The following RXRA variants were observed in gnomAD, a reference collection of about 807,000 sequenced individuals.
RXRA encodes the protein retinoid X receptor alpha, also known as retinoic acid receptor RXR-alpha.
In RXRA, 5 loss-of-function variants were observed where a neutral mutation model predicts 44.5. The observed-to-expected ratio is 0.11, with a 90% CI of 0.06 to 0.24. RXRA has a LOEUF of 0.24. Ranked by LOEUF, RXRA falls within the 10% of genes least tolerant of loss-of-function variation. The pLI is 1.00. For missense variants in RXRA, 412 were observed against 646.5 expected (o/e 0.64, Z 3.93); for synonymous variants, 291 against 271.4 (o/e 1.07, Z -0.71).
intron 1 of RXRA, among the ~76,000 whole-genome samples, chr9:134,388,500 C>T (rs1325520770): frequency 6.6e-6 from 1 of 152,192 alleles, no homozygotes; most frequent in Admixed American, 6.5e-5. Flanking sequence ...TGCACCTTTC[C>T]CCATGGCCTC....
At chr9:134,418,116 A>G (rs1209460243) in intron 5 of RXRA, among the ~76,000 whole-genome samples, 1 of 151,598 alleles carries the variant, frequency 6.6e-6, no homozygotes. Flanking sequence ...AGCCCCTCCT[A>G]CCCTACCCTA....
chr9:134,352,964 G>A (rs1318532951), intron 1 of RXRA, among the ~76,000 whole-genome samples: 1 of 152,164 alleles, frequency 6.6e-6, no homozygotes, highest in Non-Finnish European at 1.5e-5. Flanking sequence ...GCCTTCTGGT[G>A]CCCACTTGGA....
chr9:134,370,017 C>T (rs1329453954), intron 1 of RXRA, among the ~76,000 whole-genome samples: 3 of 152,178 alleles, frequency 2.0e-5, no homozygotes, highest in Admixed American at 6.5e-5. Context: ...AAGCACAGCC[C>T]GTTTCCCTTT....
intron 9 of RXRA, 28 bp downstream of exon 9, chr9:134,434,235 C>T (rs760488487): frequency 7.2e-6 from 11 of 1,527,588 alleles, no homozygotes; most frequent in Non-Finnish European, 1.0e-5. Flanking sequence ...CCACACACAC[C>T]CCAGACCCAG....
intron 2 of RXRA, among the ~76,000 whole-genome samples, chr9:134,406,836 C>T (rs758690950): frequency 6.6e-6 from 1 of 152,258 alleles, no homozygotes; most frequent in Non-Finnish European, 1.5e-5. Flanking sequence ...GTGCAAAGCC[C>T]AGGCACCGCA....
chr9:134,354,160 A>G (rs1354271590), intron 1 of RXRA, among the ~76,000 whole-genome samples: 2 of 151,990 alleles, frequency 1.3e-5, no homozygotes, highest in African/African-American at 4.8e-5. Flanking sequence ...CCCAGCAGGC[A>G]CCAGCAGGGA....
rs905481432 is a variant in RXRA at position 134,426,374 on chromosome 9, C to T, written c.911-2734C>T. 1 of 985,432 alleles carries T rather than the reference C, an allele frequency of 1.0e-6. No individual in the cohort carries two copies. The highest frequency in any genetic ancestry group is 1.2e-6 in the Non-Finnish European group (1 of 829,934). 61.0% of individuals were successfully genotyped at this position (985,432 alleles called of 1,614,324 possible). On this transcript the variant is annotated intron_variant, in intron 6 of 9. Transcript: ENST00000481739. This position sits in a 1 kb window ranked among gnomAD's most constrained non-coding sequence, Gnocchi z 4.6. The stretch of plus-strand genomic sequence containing the variant: ...TAAAGTGGGTTCCTCTCCTATTTTT[C>T]TCTTACATCCGAGAAGGAGGAGGGC...
intron 4 of RXRA, among the ~76,000 whole-genome samples, chr9:134,411,263 GC>G (rs1264631208): frequency 6.6e-6 from 1 of 152,152 alleles, no homozygotes; most frequent in African/African-American, 2.4e-5. Context: ...AGCTGCCTGG[GC>G]CCCCCAAAGC....
In RXRA at chr9:134,428,633, C is replaced by G. The variant is rs141837592; in HGVS notation, c.911-475C>G. On this transcript the variant is annotated intron_variant, in intron 6 of 9. Transcript: ENST00000481739. ...CTAACCTTCCCCCCTGGGAATCCCC[C>G]CGAAAGAGGCTGCGGCTCTCACGCA... is the stretch of plus-strand genomic sequence containing the variant. Among the ~76,000 whole-genome samples the G allele has an allele frequency of 3.5e-3, 532 of 152,300 alleles. 2 individuals carry two copies. The highest frequency in any genetic ancestry group is 6.3e-3 in the Non-Finnish European group (430 of 68,006).
chr9:134,335,643 A>G (rs929576627), intron 1 of RXRA, among the ~76,000 whole-genome samples: 4 of 152,126 alleles, frequency 2.6e-5, no homozygotes, highest in Non-Finnish European at 5.9e-5. Flanking sequence ...TAACCCTGGG[A>G]GGAGCTCAGG....
At chr9:134,329,343 C>A (rs770609093) in intron 1 of RXRA, among the ~76,000 whole-genome samples, 1 of 152,242 alleles carries the variant, frequency 6.6e-6, no homozygotes, top group Non-Finnish European at 1.5e-5. Context: ...CTGACGAGGG[C>A]GTCTTTTAGC....
chr9:134,390,003 G>A lies in RXRA; in HGVS notation c.29-11629G>A, dbSNP rs1011942496. ...CTGCCACAGTACCCTGATATGTGCC[G>A]ATTGGTGGGATTGGGAGGGGACACA... On this transcript the variant is annotated intron_variant, in intron 1 of 9. Transcript: ENST00000481739. Among the ~76,000 whole-genome samples, 11 of 152,316 alleles carry A rather than the reference G, an allele frequency of 7.2e-5. No homozygotes were observed. The East Asian group carries it at 1.2e-3, about 16-fold the overall frequency.
At chr9:134,346,315 C>T (rs1830151297) in intron 1 of RXRA, among the ~76,000 whole-genome samples, 1 of 152,184 alleles carries the variant, frequency 6.6e-6, no homozygotes, top group Admixed American at 6.5e-5. Context: ...GTGATGTCTT[C>T]AAGCATCACA....
chr9:134,417,972 C>T lies in RXRA; in HGVS notation c.780+645C>T, dbSNP rs1303567363. On this transcript the variant is annotated intron_variant, in intron 5 of 9. Transcript: ENST00000481739. The surrounding 1 kb of genome is among the most constrained non-coding windows in gnomAD (Gnocchi z 6.1). ...TCTCCTGGGCTGGCTCCAGCTGGTC[C>T]TGGAGGTGTTGGATTCAAGACCCCC... Among the ~76,000 whole-genome samples, 2 of 152,270 alleles carry T rather than the reference C, an allele frequency of 1.3e-5. No individual in the cohort carries two copies. The highest frequency in any genetic ancestry group is 3.9e-4 in the East Asian group (2 of 5,152).
At chr9:134,381,512 G>A (rs1239530569) in intron 1 of RXRA, among the ~76,000 whole-genome samples, 3 of 152,090 alleles carry the variant, frequency 2.0e-5, no homozygotes, top group Non-Finnish European at 4.4e-5. Context: ...GTGCTGTAAG[G>A]GCCAGGCCCA....
intron 1 of RXRA, among the ~76,000 whole-genome samples, chr9:134,345,836 C>A (rs149775388): frequency 2.0e-5 from 3 of 152,196 alleles, no homozygotes; most frequent in African/African-American, 7.2e-5. Context: ...TGACTAAACA[C>A]GTGTCAGTTC....
intron 4 of RXRA, among the ~76,000 whole-genome samples, chr9:134,415,957 A>G (rs1831227277): frequency 6.6e-6 from 1 of 152,090 alleles, no homozygotes. Flanking sequence ...TCACCGGTAC[A>G]ATGGGGTAAT....
rs370618862 is a variant in RXRA, at chr9:134,365,072, G to A, written c.29-36560G>A. Among the ~76,000 whole-genome samples the A allele has an allele frequency of 1.3e-5, 2 of 152,312 alleles. No individual in the cohort carries two copies. The highest frequency in any genetic ancestry group is 2.4e-5 in the African/African-American group (1 of 41,564). On this transcript the variant is annotated intron_variant, in intron 1 of 9. Transcript: ENST00000481739. The surrounding 1 kb of genome is among the most constrained non-coding windows in gnomAD (Gnocchi z 4.0). ...CAGGCCCACAGCTTCTGGGGAGAGCGTTTCCCAAGGTGGGGTCTGGTGCTG... is the reference window on the plus strand; with the variant it reads ...CAGGCCCACAGCTTCTGGGGAGAGCATTTCCCAAGGTGGGGTCTGGTGCTG...
Position 134,388,177 on chromosome 9 carries a change from A to G in RXRA, c.29-13455A>G, listed in dbSNP as rs952803747. Among the ~76,000 whole-genome samples, 6 of 149,300 alleles carry G rather than the reference A, an allele frequency of 4.0e-5. No individual in the cohort carries two copies. In the East Asian group the frequency reaches 1.3e-3, roughly 32 times the overall value. Reference sequence around the variant, plus strand: ...GTATTAAGTTACTTTTATGCAGAAAATATCCTAGGCTGTTAGACTGTGCAC... The same window carrying G: ...GTATTAAGTTACTTTTATGCAGAAAGTATCCTAGGCTGTTAGACTGTGCAC... On this transcript the variant is annotated intron_variant, in intron 1 of 9. Transcript: ENST00000481739.
Sources: allele counts gnomAD v4.1 joint callset (sites outside exome capture counted in the v4.1 genomes callset), GRCh38; gene constraint gnomAD v4.1.1; non-coding constraint Gnocchi (gnomAD v3.1); transcripts MANE v1.5; gene names NCBI Gene and HGNC (gene_info 2026-07-23, HGNC 2026-07-21).